The following SLIT1 variants were observed in gnomAD, a reference collection of about 807,000 sequenced individuals.
The protein encoded by SLIT1 is slit homolog 1 protein.
SLIT1 carries 66 observed loss-of-function variants against 186.1 expected under a neutral mutation model. That is an observed-to-expected ratio of 0.35 (90% CI 0.29 to 0.44). The LOEUF (loss-of-function observed/expected upper bound fraction) is 0.44, where lower values mean the gene tolerates loss of function less well. Among genes scored for constraint, SLIT1 ranks in the 20% least tolerant of loss-of-function variants. The pLI is 1.00. For missense variants in SLIT1, 1,638 were observed against 2,037.4 expected (o/e 0.80, Z 3.77); for synonymous variants, 761 against 833.8 (o/e 0.91, Z 1.50).
At chr10:97,107,952 C>T (rs905312947) in intron 4 of SLIT1, among the ~76,000 whole-genome samples, 2 of 152,166 alleles carry the variant, frequency 1.3e-5, no homozygotes, top group Non-Finnish European at 2.9e-5. Flanking sequence ...CAGTGCTGCA[C>T]AAAGAGAGAT....
At chr10:97,045,880 G>A (rs1848729338) in intron 18 of SLIT1, among the ~76,000 whole-genome samples, 1 of 152,136 alleles carries the variant, frequency 6.6e-6, no homozygotes, top group Non-Finnish European at 1.5e-5. Flanking sequence ...CTAGAGCTGT[G>A]GTGTCCAATA....
At position 97,043,158 on chromosome 10, in the gene SLIT1, A is replaced by G; in HGVS notation, c.1998-91T>C. ...TCCTGTACCACGGACACAGGGCCAC[A>G]TGGCCACATGGCACTGTCTCCCAGA... On this transcript the variant is annotated intron_variant, in intron 19 of 36. Transcript: ENST00000266058. This position sits in a 1 kb window ranked among gnomAD's most constrained non-coding sequence, Gnocchi z 7.0. 7.1e-7 allele frequency: 1 copy of G among 1,405,580 alleles called. No individual in the cohort carries two copies. Among genetic ancestry groups the G allele is most frequent in the Non-Finnish European group, 9.8e-7 (1 of 1,019,728 alleles). 87.1% of individuals were successfully genotyped at this position (1,405,580 alleles called of 1,614,324 possible).
In SLIT1 at chr10:97,046,664, A is replaced by G. The variant is rs779772890; in HGVS notation, c.1843T>C (p.Leu615=). 1.8e-5 allele frequency: 29 copies of G among 1,607,976 alleles called. No homozygotes were observed. ...GCCCTGCACACTCACAGGGTCCTCA[A>G]GCCATCCAGACCCCGGAACATGCCG... is the stretch of plus-strand genomic sequence containing the variant. ...RSGMFRGLDG[L]RTLMLRNNRI... The change falls in exon 18 of 37, where the codon TTG becomes CTG. Residue 615 remains leucine, a synonymous_variant. Coordinates refer to ENST00000266058, the MANE Select transcript of SLIT1 (RefSeq NM_003061.3).
chr10:97,039,920 C>A, intron 21 of SLIT1, 68 bp downstream of exon 21: 1 of 1,573,948 alleles, frequency 6.4e-7, no homozygotes. Context: ...CCCAGCCCCT[C>A]AGGAAATGCC....
chr10:97,057,523 T>C (rs1202388366), intron 11 of SLIT1, among the ~76,000 whole-genome samples: 2 of 152,218 alleles, frequency 1.3e-5, no homozygotes, highest in Admixed American at 6.5e-5. Context: ...CTCCAATCAC[T>C]AACAAAGCAG....
intron 1 of SLIT1, among the ~76,000 whole-genome samples, chr10:97,171,364 C>A (rs1850186288): frequency 1.3e-5 from 2 of 152,192 alleles, no homozygotes; most frequent in African/African-American, 4.8e-5. Flanking sequence ...GAGCCTGAGT[C>A]CTGCAGCGCC....
intron 20 of SLIT1, among the ~76,000 whole-genome samples, chr10:97,041,270 G>A (rs1398287624): frequency 6.6e-6 from 1 of 152,174 alleles, no homozygotes; most frequent in Non-Finnish European, 1.5e-5. Context: ...AGCAGCTGGG[G>A]GCTGCTTACA....
In SLIT1 at chr10:97,006,394, C is replaced by A; in HGVS notation, c.3579+89G>T. 1.2e-6 allele frequency: 1 copy of A among 851,264 alleles called. No individual in the cohort carries two copies. Among genetic ancestry groups the A allele is most frequent in the Non-Finnish European group, 1.9e-6 (1 of 516,666 alleles). 52.7% of individuals were successfully genotyped at this position (851,264 alleles called of 1,614,324 possible). The stretch of plus-strand genomic sequence containing the variant: ...CAGAGTCCTTCCAGTTCCCCAGGCA[C>A]CATGCAGGGATGTATCCTGATGCTC... On this transcript the variant is annotated intron_variant, in intron 32 of 36. Transcript: ENST00000266058. The surrounding 1 kb of genome is among the most constrained non-coding windows in gnomAD (Gnocchi z 4.0).
At chr10:97,034,960 C>T (rs1168186201) in intron 22 of SLIT1, among the ~76,000 whole-genome samples, 1 of 152,170 alleles carries the variant, frequency 6.6e-6, no homozygotes, top group African/African-American at 2.4e-5. Flanking sequence ...GAGAGGGCAG[C>T]CCCATTTGAC....
Position 97,060,642 on chromosome 10 carries a change from C to T in SLIT1, c.939G>A (p.Glu313=). Residue 313 remains glutamate, a splice_region_variant and synonymous_variant, in exon 9 of 37, where the codon GAG becomes GAA. Coordinates refer to ENST00000266058, the MANE Select transcript of SLIT1 (RefSeq NM_003061.3). ...IPANLPETMT[E]IRLELNGIKS... The stretch of plus-strand genomic sequence containing the variant: ...CATCTGCCCTGCCCCGTACTCACAT[C>T]TCCGTCATGGTCTCGGGCAGGTTGG... The T allele has an allele frequency of 6.2e-7, 1 of 1,612,862 alleles. No individual in the cohort carries two copies. The highest frequency in any genetic ancestry group is 8.5e-7 in the Non-Finnish European group (1 of 1,180,042).
chr10:97,018,591 C>T lies in SLIT1; in HGVS notation c.2964G>A (p.Pro988=), dbSNP rs142876636. 48 of 1,576,450 alleles carry T rather than the reference C, an allele frequency of 3.0e-5. No homozygotes were observed. The highest frequency in any genetic ancestry group is 1.7e-4 in the Middle Eastern group (1 of 6,022). ...TGCCCCTCCAGGTAACTCACGTGAA[C>T]GGGGCATCCTCGCCCTCCTGTGCAT... ...TCHAQEGEDA[P]FTCSCPTGFE... Residue 988 remains proline (P), a synonymous_variant, in exon 28 of 37, where the codon CCG becomes CCA. Transcript: ENST00000266058.
intron 4 of SLIT1, among the ~76,000 whole-genome samples, chr10:97,121,739 G>A (rs1849561688): frequency 6.6e-6 from 1 of 152,102 alleles, no homozygotes; most frequent in Non-Finnish European, 1.5e-5. Context: ...TCTCAGACGT[G>A]TAGTTCTTAC....
chr10:97,043,536 G>C lies in SLIT1; in HGVS notation c.1854-23C>G. The C allele has an allele frequency of 6.2e-7, 1 of 1,607,770 alleles. No individual in the cohort carries two copies. The highest frequency in any genetic ancestry group is 8.5e-7 in the Non-Finnish European group (1 of 1,176,568). On this transcript the variant is annotated intron_variant, in intron 18 of 36. Transcript: ENST00000266058. This position sits in a 1 kb window ranked among gnomAD's most constrained non-coding sequence, Gnocchi z 7.0. The stretch of plus-strand genomic sequence containing the variant: ...ATTCTGGGGAGGAACGGGGGAGGGA[G>C]GAGGGGACCCTTGCTGCCCTGCCAG...
chr10:97,020,349 A>G (rs550212417), intron 26 of SLIT1, among the ~76,000 whole-genome samples: 13 of 152,312 alleles, frequency 8.5e-5, no homozygotes, highest in Admixed American at 7.8e-4. Flanking sequence ...CCATTCACTC[A>G]TGATCTGTGT....
At position 97,030,605 on chromosome 10, in the gene SLIT1, TAA is replaced by T. The variant is rs1249315516; in HGVS notation, c.2582+150_2582+151del. 75 of 653,162 alleles carry T rather than the reference TAA, an allele frequency of 1.1e-4. No individual in the cohort carries two copies. The East Asian group carries it at 2.0e-3, about 17-fold the overall frequency. The allele number at this position is 653,162 out of a possible 1,614,324, so 40.5% of individuals were successfully genotyped here. On this transcript the variant is annotated intron_variant, in intron 25 of 36. Transcript: ENST00000266058. ...TGTGGCTGATGAACCACTGGACATATAAGAGTCCCAGAAGGTGCACGTGGGAA... is the reference window on the plus strand; with the variant it reads ...TGTGGCTGATGAACCACTGGACATATGAGTCCCAGAAGGTGCACGTGGGAA...
rs74153756 is a variant in SLIT1, at chr10:97,064,291, T to A, written c.558-52A>T. 5.0e-4 allele frequency: 754 copies of A among 1,498,118 alleles called. 5 individuals are homozygous for A. In the African/African-American group the frequency reaches 8.9e-3, roughly 18 times the overall value. 92.8% of individuals were successfully genotyped at this position (1,498,118 alleles called of 1,614,324 possible). A position where few individuals can be genotyped will look rare whatever the true frequency, so the allele number is the denominator to read the frequency against. ...AGCACCTGCCCAGCAGGAGATGATG[T>A]GGGACAGGGCCGCCCTGCTAACGAA... is the stretch of plus-strand genomic sequence containing the variant. On this transcript the variant is annotated intron_variant, in intron 6 of 36. Coordinates refer to ENST00000266058, the MANE Select transcript of SLIT1 (RefSeq NM_003061.3).
chr10:97,097,463 G>A (rs985616398), intron 4 of SLIT1, among the ~76,000 whole-genome samples: 5 of 152,222 alleles, frequency 3.3e-5, no homozygotes, highest in Non-Finnish European at 7.3e-5. Context: ...TCATTAAGAC[G>A]GTGGCGGTGG....
At chr10:97,165,507 G>A (rs1850092808) in intron 1 of SLIT1, among the ~76,000 whole-genome samples, 1 of 152,144 alleles carries the variant, frequency 6.6e-6, no homozygotes, top group Non-Finnish European at 1.5e-5. Flanking sequence ...GCACACGACG[G>A]GGAGGGAGCA....
intron 4 of SLIT1, among the ~76,000 whole-genome samples, chr10:97,089,455 C>T (rs906567176): frequency 1.3e-5 from 2 of 152,206 alleles, no homozygotes; most frequent in Non-Finnish European, 1.5e-5. Flanking sequence ...TCTGCTACTC[C>T]GTCTCTCTGG....
Sources: allele counts gnomAD v4.1 joint callset (sites outside exome capture counted in the v4.1 genomes callset), GRCh38; gene constraint gnomAD v4.1.1; non-coding constraint Gnocchi (gnomAD v3.1); transcripts MANE v1.5; gene names NCBI Gene and HGNC (gene_info 2026-07-23, HGNC 2026-07-21).